KIF13A: variants seen among roughly 807,000 people sequenced by gnomAD.
KIF13A encodes the protein kinesin family member 13A.
In KIF13A, 79 loss-of-function variants were observed where a neutral mutation model predicts 212.2. That is an observed-to-expected ratio of 0.37 (90% CI 0.31 to 0.45). The LOEUF (loss-of-function observed/expected upper bound fraction) is 0.45. Ranked by LOEUF, KIF13A falls within the 20% of genes least tolerant of loss-of-function variation. The pLI is 1.00. For synonymous variants in KIF13A, 789 were observed against 808.6 expected (o/e 0.98, Z 0.41); for missense variants, 1,901 against 2,209.0 (o/e 0.86, Z 2.79).
At chr6:17,863,915 G>A (rs1237120285) in intron 4 of KIF13A, among the ~76,000 whole-genome samples, 1 of 152,114 alleles carries the variant, frequency 6.6e-6, no homozygotes, top group Non-Finnish European at 1.5e-5. Context: ...CATGAAAAAA[G>A]GAGCTGTTTA....
chr6:17,852,559 A>G (rs1053048971), intron 6 of KIF13A, among the ~76,000 whole-genome samples: 17 of 152,138 alleles, frequency 1.1e-4, no homozygotes, highest in African/African-American at 3.9e-4. Flanking sequence ...CTGGGACTAC[A>G]GGCCCATGCC....
intron 2 of KIF13A, chr6:17,953,584 A>ACTG (rs1328603783): frequency 6.6e-6 from 1 of 152,330 alleles, no homozygotes; most frequent in Admixed American, 6.5e-5. Context: ...CGAAGAAGGC[A>ACTG]CTGCTGCTGC....
At chr6:17,943,407 T>A (rs1777114729) in intron 2 of KIF13A, among the ~76,000 whole-genome samples, 1 of 151,320 alleles carries the variant, frequency 6.6e-6, no homozygotes, top group Non-Finnish European at 1.5e-5. Context: ...CAGATTTTTT[T>A]TTTTTTTTTT....
chr6:17,801,632 AG>A (rs1762481779), intron 20 of KIF13A, among the ~76,000 whole-genome samples: 1 of 152,230 alleles, frequency 6.6e-6, no homozygotes, highest in Admixed American at 6.5e-5. Flanking sequence ...ATATTTACCA[AG>A]AACTAACTGT....
intron 18 of KIF13A, among the ~76,000 whole-genome samples, chr6:17,807,024 C>T (rs1763024998): frequency 6.6e-6 from 1 of 152,196 alleles, no homozygotes; most frequent in Non-Finnish European, 1.5e-5. Context: ...CCTGTCTTTA[C>T]TTTTATCTCT....
In KIF13A at chr6:17,764,057, T is replaced by C; in HGVS notation, c.*53A>G. The C allele has an allele frequency of 6.4e-6, 10 of 1,563,752 alleles. No individual in the cohort carries two copies. In the South Asian group the frequency reaches 1.2e-4, roughly 19 times the overall value. On this transcript the variant is annotated 3_prime_UTR_variant, in exon 39 of 39. Transcript: ENST00000259711. The surrounding 1 kb of genome is among the most constrained non-coding windows in gnomAD (Gnocchi z 5.1). ...CACAAACAACTGGATGAATCTTTCC[T>C]ACCAAGTTGTTGCGGTGAAGGGCCT... is the stretch of plus-strand genomic sequence containing the variant.
chr6:17,986,307 T>C (rs1781545628), intron 2 of KIF13A, among the ~76,000 whole-genome samples: 1 of 152,238 alleles, frequency 6.6e-6, no homozygotes, highest in Admixed American at 6.5e-5. Flanking sequence ...ATTCAAATTA[T>C]TTTGGGGCGT....
intron 14 of KIF13A, among the ~76,000 whole-genome samples, chr6:17,827,710 C>T (rs60635557): frequency 0.25 from 37,867 of 151,376 alleles, 5,073 homozygotes; most frequent in South Asian, 0.37. Flanking sequence ...TCTGTAGCAA[C>T]GGTGTCTCAC....
intron 20 of KIF13A, among the ~76,000 whole-genome samples, chr6:17,801,106 T>C (rs996774123): frequency 6.6e-6 from 1 of 152,120 alleles, no homozygotes; most frequent in Admixed American, 6.6e-5. Context: ...ACTTATTCAT[T>C]TGACCAAACA....
intron 2 of KIF13A, among the ~76,000 whole-genome samples, chr6:17,938,864 T>A (rs1200630409): frequency 1.3e-5 from 2 of 151,892 alleles, no homozygotes; most frequent in African/African-American, 2.4e-5. Flanking sequence ...AGTTGTGTTG[T>A]TATATAAGGA....
chr6:17,956,662 C>A (rs1442881061), intron 2 of KIF13A, among the ~76,000 whole-genome samples: 1 of 152,122 alleles, frequency 6.6e-6, no homozygotes, highest in Admixed American at 6.5e-5. Context: ...TGCTTTAGGT[C>A]TCAGGAGGAG....
intron 30 of KIF13A, 50 bp from the exon 31 acceptor site, chr6:17,780,956 G>A (rs750823061): frequency 6.5e-6 from 10 of 1,547,610 alleles, no homozygotes; most frequent in African/African-American, 1.4e-5. Context: ...AAAGTCAGAT[G>A]TAGCAGTTTT....
intron 17 of KIF13A, among the ~76,000 whole-genome samples, chr6:17,814,466 CTT>C (rs1763742059): frequency 6.6e-6 from 1 of 151,882 alleles, no homozygotes; most frequent in Non-Finnish European, 1.5e-5. Flanking sequence ...CCAGGCTGGT[CTT>C]GAACTCCTGA....
chr6:17,940,190 T>A (rs1321269648), intron 2 of KIF13A, among the ~76,000 whole-genome samples: 2 of 151,980 alleles, frequency 1.3e-5, no homozygotes, highest in African/African-American at 4.8e-5. Context: ...TCCTTTTTCC[T>A]CCTCTTCCTC....
intron 30 of KIF13A, 124 bp downstream of exon 30, chr6:17,781,053 A>G: frequency 7.2e-7 from 1 of 1,393,218 alleles, no homozygotes; most frequent in Non-Finnish European, 9.9e-7. Flanking sequence ...AGCAACACAA[A>G]TGTTCTATTT....
In KIF13A at chr6:17,849,294, A is replaced by C. The variant is rs1026563409; in HGVS notation, c.830+83T>G. ...TATACAGACTTTAAACAACCTGTAC[A>C]TCAGAACCATCTGACCCTCATAATG... is the stretch of plus-strand genomic sequence containing the variant. On this transcript the variant is annotated intron_variant, in intron 9 of 38. Coordinates refer to ENST00000259711, the MANE Select transcript of KIF13A (RefSeq NM_022113.6). This position sits in a 1 kb window ranked among gnomAD's most constrained non-coding sequence, Gnocchi z 5.7. The C allele has an allele frequency of 1.1e-5, 10 of 928,608 alleles. No homozygotes were observed. Among genetic ancestry groups the C allele is most frequent in the Non-Finnish European group, 1.3e-5 (8 of 597,714 alleles). The allele number at this position is 928,608 out of a possible 1,614,324, so 57.5% of individuals were successfully genotyped here.
At position 17,771,379 on chromosome 6, in the gene KIF13A, T is replaced by G. The variant is rs1759480361; in HGVS notation, c.4477-161A>C. On this transcript the variant is annotated intron_variant, in intron 37 of 38. Coordinates refer to ENST00000259711, the MANE Select transcript of KIF13A (RefSeq NM_022113.6). The surrounding 1 kb of genome is among the most constrained non-coding windows in gnomAD (Gnocchi z 5.4). ...GGCCAGAGTTAAACTACTGGAGAGA[T>G]ATGACAGGAATAAACAGATTCTGTG... 1.7e-6 allele frequency: 1 copy of G among 581,120 alleles called. No individual in the cohort carries two copies. Among genetic ancestry groups the G allele is most frequent in the Non-Finnish European group, 3.1e-6 (1 of 325,890 alleles). 36.0% of individuals were successfully genotyped at this position (581,120 alleles called of 1,614,324 possible).
chr6:17,890,974 T>C (rs955601060), intron 3 of KIF13A, among the ~76,000 whole-genome samples: 17 of 152,090 alleles, frequency 1.1e-4, no homozygotes, highest in African/African-American at 3.1e-4. Flanking sequence ...TTCCCTAATT[T>C]ACACCTATCT....
At chr6:17,965,463 G>C (rs940349139) in intron 2 of KIF13A, among the ~76,000 whole-genome samples, 4 of 152,142 alleles carry the variant, frequency 2.6e-5, no homozygotes, top group African/African-American at 9.7e-5. Flanking sequence ...AATAATTATT[G>C]AGAGAAACTC....
Sources: allele counts gnomAD v4.1 joint callset (sites outside exome capture counted in the v4.1 genomes callset), GRCh38; gene constraint gnomAD v4.1.1; non-coding constraint Gnocchi (gnomAD v3.1); transcripts MANE v1.5; gene names NCBI Gene and HGNC (gene_info 2026-07-23, HGNC 2026-07-21).